Variants in ADCY3 observed in about 807,000 individuals in gnomAD.
ADCY3 encodes the protein adenylate cyclase 3.
In ADCY3, 70 loss-of-function variants were observed where a neutral mutation model predicts 119.4. The ratio of observed to expected loss-of-function variants is 0.59; its 90% CI spans 0.48 to 0.72. The LOEUF (loss-of-function observed/expected upper bound fraction) is 0.72. ADCY3 is among the 30% of genes least tolerant of loss of function. The pLI is 0.00. For synonymous variants in ADCY3, 672 were observed against 621.4 expected, an observed-to-expected ratio of 1.08 and a Z score of -1.21; for missense variants, 1,238 against 1,541.6, an observed-to-expected ratio of 0.80 and a Z score of 3.30.
At chr2:24,822,858 T>C (rs1208328295) in intron 18 of ADCY3, among the ~76,000 whole-genome samples, 1 of 152,272 alleles carries the variant, frequency 6.6e-6, no homozygotes, top group East Asian at 1.9e-4. Context: ...GGCAGTCTCC[T>C]AGGGGGGCTC....
rs1292426850 is a variant in ADCY3, at chr2:24,820,988, A to G, written c.3128-140T>C. 2.4e-6 allele frequency: 3 copies of G among 1,252,422 alleles called. No homozygotes were observed. The East Asian group carries it at 7.4e-5, about 31-fold the overall frequency. The allele number at this position is 1,252,422 out of a possible 1,614,324, so 77.6% of individuals were successfully genotyped here. On this transcript the variant is annotated intron_variant, in intron 20 of 21. Transcript: ENST00000679454. Reference sequence around the variant, plus strand: ...TCCTCATTCAACTTGGCTGTATGCTATTGGAGGGTGGAAATCACATCTCCT... The same window carrying G: ...TCCTCATTCAACTTGGCTGTATGCTGTTGGAGGGTGGAAATCACATCTCCT...
intron 3 of ADCY3, among the ~76,000 whole-genome samples, chr2:24,860,876 A>G (rs993124756): frequency 5.9e-5 from 9 of 152,140 alleles, no homozygotes; most frequent in Non-Finnish European, 1.2e-4. Flanking sequence ...GAGGAAGCTG[A>G]GGCCCAGCGA....
chr2:24,831,354 T>A (rs1173597404), intron 12 of ADCY3, among the ~76,000 whole-genome samples: 1 of 152,118 alleles, frequency 6.6e-6, no homozygotes, highest in Non-Finnish European at 1.5e-5. Flanking sequence ...GCCCTCCACT[T>A]CCTCTCTACC....
At chr2:24,826,167 G>A (rs1469182626) in intron 15 of ADCY3, 41 bp from the exon 16 acceptor site, 1 of 1,573,238 alleles carries the variant, frequency 6.4e-7, no homozygotes, top group Admixed American at 1.7e-5. Context: ...GCTGTCATCT[G>A]CCTCCTGGAG....
chr2:24,892,972 T>C (rs1324325507), intron 2 of ADCY3, among the ~76,000 whole-genome samples: 3 of 152,050 alleles, frequency 2.0e-5, no homozygotes, highest in Non-Finnish European at 2.9e-5. Flanking sequence ...CCTATTTTTC[T>C]TTTAATTAGG....
Position 24,850,300 on chromosome 2 carries a change from C to T in ADCY3, c.826-7916G>A, listed in dbSNP as rs572928602. On this transcript the variant is annotated intron_variant, in intron 3 of 21. Coordinates refer to ENST00000679454, the MANE Select transcript of ADCY3 (RefSeq NM_004036.5). ...TTTCATGAGTGCGTGATGCTAGCTACGGACCTTCTAGAAAAATGCTCATAC... is the reference window on the plus strand; with the variant it reads ...TTTCATGAGTGCGTGATGCTAGCTATGGACCTTCTAGAAAAATGCTCATAC... 1.3e-3 allele frequency among the ~76,000 whole-genome samples: 198 copies of T among 152,284 alleles called. 2 individuals are homozygous for T. The Middle Eastern group carries it at 0.041, about 32-fold the overall frequency.
rs186609460 is a variant in ADCY3, at chr2:24,831,932, T to G, written c.1968-183A>C. 1.9e-3 allele frequency among the ~76,000 whole-genome samples: 162 copies of G among 83,114 alleles called. 2 individuals are homozygous for G. The highest frequency in any genetic ancestry group is 7.5e-3 in the African/African-American group (139 of 18,558). 54.5% of individuals were successfully genotyped at this position (83,114 alleles called of 152,430 possible). A position where few individuals can be genotyped will look rare whatever the true frequency, so the allele number is the denominator to read the frequency against. ...ACAGGGGCCAGGGGACAGCGGACAG[T>G]GGCCAGGGGACAGCAGACAGGGGCA... On this transcript the variant is annotated intron_variant, in intron 11 of 21. Coordinates refer to ENST00000679454, the MANE Select transcript of ADCY3 (RefSeq NM_004036.5).
rs1664710817 is a variant in ADCY3 at position 24,918,342 on chromosome 2, C to G, written c.646G>C (p.Glu216Gln). 6.3e-7 allele frequency: 1 copy of G among 1,592,654 alleles called. No individual in the cohort carries two copies. Among genetic ancestry groups the G allele is most frequent in the Non-Finnish European group, 8.6e-7 (1 of 1,168,912 alleles). Residue 216 changes from glutamate to glutamine, a missense_variant, in exon 2 of 22, where the codon GAG becomes CAG. By Grantham distance (29) the Glu-to-Gln change is conservative. Transcript: ENST00000679454. The surrounding 1 kb of genome is among the most constrained non-coding windows in gnomAD (Gnocchi z 5.4). ...GVTVAQQQQE[E>Q]LKGMQLLREI... Reference sequence around the variant, plus strand: ...CGCAGCAGCTGCATCCCCTTGAGCTCCTCCTGCTGCTGCTGGGCCACGGTG... The same window carrying G: ...CGCAGCAGCTGCATCCCCTTGAGCTGCTCCTGCTGCTGCTGGGCCACGGTG...
At chr2:24,887,626 T>TC (rs1223975023) in intron 2 of ADCY3, among the ~76,000 whole-genome samples, 1 of 147,518 alleles carries the variant, frequency 6.8e-6, no homozygotes, top group Non-Finnish European at 1.5e-5. Flanking sequence ...CCCAGCCCAC[T>TC]CCCCCCCGAC....
At chr2:24,913,368 C>T (rs1175373192) in intron 2 of ADCY3, among the ~76,000 whole-genome samples, 1 of 152,212 alleles carries the variant, frequency 6.6e-6, no homozygotes, top group Non-Finnish European at 1.5e-5. Context: ...TCCTGTTATA[C>T]CTTAGGGACT....
chr2:24,832,946 C>T (rs991609804), intron 11 of ADCY3, among the ~76,000 whole-genome samples: 9 of 152,210 alleles, frequency 5.9e-5, no homozygotes, highest in Non-Finnish European at 1.3e-4. Context: ...GAGACATCCT[C>T]AACTCCACAC....
Position 24,878,244 on chromosome 2 carries a change from C to G in ADCY3, c.676-5525G>C, listed in dbSNP as rs769402907. Among the ~76,000 whole-genome samples, 30 of 152,126 alleles carry G rather than the reference C, an allele frequency of 2.0e-4. No individual in the cohort carries two copies. The highest frequency in any genetic ancestry group is 3.5e-4 in the Non-Finnish European group (24 of 68,034). ...GCCTGATAAAGTGTTTCTAATATCC[C>G]GGCTCAGAACGCAACCATGAGAACA... On this transcript the variant is annotated intron_variant, in intron 2 of 21. Coordinates refer to ENST00000679454, the MANE Select transcript of ADCY3 (RefSeq NM_004036.5). This position sits in a 1 kb window ranked among gnomAD's most constrained non-coding sequence, Gnocchi z 4.0.
At chr2:24,840,142 G>A in intron 6 of ADCY3, 111 bp from the exon 7 acceptor site, 1 of 1,434,380 alleles carries the variant, frequency 7.0e-7, no homozygotes, top group Non-Finnish European at 9.4e-7. Flanking sequence ...TCCACAAGAG[G>A]GGGCCTGGCA....
intron 2 of ADCY3, among the ~76,000 whole-genome samples, chr2:24,901,791 A>G (rs940036720): frequency 5.3e-5 from 8 of 151,666 alleles, no homozygotes; most frequent in Non-Finnish European, 8.8e-5. Flanking sequence ...AAAAAAAAAA[A>G]AAGAAGAAGG....
At chr2:24,862,045 A>G (rs1020745796) in intron 3 of ADCY3, among the ~76,000 whole-genome samples, 2 of 152,196 alleles carry the variant, frequency 1.3e-5, no homozygotes, top group Non-Finnish European at 2.9e-5. Flanking sequence ...CAGTCCCCCA[A>G]AAACGCTGGC....
At chr2:24,901,419 G>A (rs570429544) in intron 2 of ADCY3, among the ~76,000 whole-genome samples, 2 of 152,086 alleles carry the variant, frequency 1.3e-5, no homozygotes, top group Non-Finnish European at 2.9e-5. Flanking sequence ...AAGAAAGCGC[G>A]TTGTTTCTAA....
rs547619607 is a variant in ADCY3, at chr2:24,834,267, G to A, written c.1967+218C>T. Among the ~76,000 whole-genome samples, 21 of 152,308 alleles carry A rather than the reference G, an allele frequency of 1.4e-4. 2 individuals are homozygous for A. The highest frequency in any genetic ancestry group is 4.6e-4 in the African/African-American group (19 of 41,574). ...ATCCTGGCCAGATCCCCATTCTGAC[G>A]CTAGGACTGCTCCAAAACGCGGGGC... On this transcript the variant is annotated intron_variant, in intron 11 of 21. Coordinates refer to ENST00000679454, the MANE Select transcript of ADCY3 (RefSeq NM_004036.5). The surrounding 1 kb of genome is among the most constrained non-coding windows in gnomAD (Gnocchi z 4.2).
chr2:24,900,831 G>A (rs970633739), intron 2 of ADCY3, among the ~76,000 whole-genome samples: 12 of 152,142 alleles, frequency 7.9e-5, no homozygotes, highest in African/African-American at 2.9e-4. Context: ...TTGGGAGGCC[G>A]AGACGGGTGG....
At chr2:24,827,801 T>A in intron 14 of ADCY3, 101 bp downstream of exon 14, 1 of 1,549,852 alleles carries the variant, frequency 6.5e-7, no homozygotes, top group Non-Finnish European at 8.8e-7. Flanking sequence ...GGACCCCTAG[T>A]GGCAGAAAGC....
Sources: gnomAD v4.1 joint callset for allele counts (sites outside exome capture counted in the v4.1 genomes callset) on GRCh38, gnomAD v4.1.1 for gene constraint, Gnocchi (gnomAD v3.1) non-coding constraint, MANE v1.5 for transcripts, NCBI Gene and HGNC (gene_info 2026-07-23, HGNC 2026-07-21) for gene names.